The following OTUD7A variants were observed in gnomAD, a reference collection of about 807,000 sequenced individuals.
OTUD7A encodes the protein OTU deubiquitinase 7A, also known as OTU domain-containing protein 7A.
Under a neutral mutation model 65.7 loss-of-function variants are expected in OTUD7A, and 12 were observed. The observed-to-expected ratio is 0.18, with a 90% CI of 0.12 to 0.30. The LOEUF (loss-of-function observed/expected upper bound fraction) is 0.30. Among genes scored for constraint, OTUD7A ranks in the 10% least tolerant of loss-of-function variants. The probability of loss-of-function intolerance (pLI) is 1.00; values close to 1 mark genes in which losing one functional copy is unlikely to be tolerated. For synonymous variants in OTUD7A, 641 were observed against 586.3 expected (o/e 1.09, Z -1.35); for missense variants, 1,148 against 1,304.8 (o/e 0.88, Z 1.85).
rs184342133 is a variant in OTUD7A at position 31,623,179 on chromosome 15, G to A, written c.151+31917C>T. Among the ~76,000 whole-genome samples the A allele has an allele frequency of 1.9e-3, 288 of 152,286 alleles. 1 individual carries two copies. Among genetic ancestry groups the A allele is most frequent in the African/African-American group, 6.4e-3 (266 of 41,564 alleles). ...TGAGGTGTCAGTCTGCCCCTACTTC[G>A]GGGGTGCCTTCCAGTTAGGCTACTC... On this transcript the variant is annotated intron_variant, in intron 3 of 12. Transcript: ENST00000307050.
chr15:31,510,042 G>C (rs557392905), intron 8 of OTUD7A, among the ~76,000 whole-genome samples: 1 of 146,618 alleles, frequency 6.8e-6, no homozygotes, highest in African/African-American at 2.5e-5. Context: ...GGCAAGGGAC[G>C]GGCCCCGCCT....
At chr15:31,657,363 C>CA (rs1555405667) in intron 1 of OTUD7A, among the ~76,000 whole-genome samples, 2 of 146,712 alleles carry the variant, frequency 1.4e-5, no homozygotes, top group Non-Finnish European at 3.0e-5. Flanking sequence ...TTTCCTTTTT[C>CA]TTTTTTTTTT....
In OTUD7A at chr15:31,477,786, A is replaced by G. The variant is rs1429239620; in HGVS notation, c.*5508T>C. On this transcript the variant is annotated 3_prime_UTR_variant, in exon 13 of 13. Transcript: ENST00000307050. ...CCTGCCCACATGGAGCTTACAGTCT[A>G]TGGGAGATGGGGAGGCGAGAATCAA... 1 of 150,610 alleles carries G rather than the reference A, an allele frequency of 6.6e-6. No homozygotes were observed. The highest frequency in any genetic ancestry group is 1.5e-5 in the Non-Finnish European group (1 of 67,598). The allele number at this position is 150,610 out of a possible 1,614,324, so 9.3% of individuals were successfully genotyped here.
At position 31,611,468 on chromosome 15, in the gene OTUD7A, A is replaced by G. The variant is rs529814463; in HGVS notation, c.152-41271T>C. Among the ~76,000 whole-genome samples the G allele has an allele frequency of 2.6e-5, 4 of 152,334 alleles. No individual in the cohort carries two copies. The East Asian group carries it at 7.7e-4, about 29-fold the overall frequency. On this transcript the variant is annotated intron_variant, in intron 3 of 12. Transcript: ENST00000307050. ...TCCAAATAACCTCATTAAGAAATGA[A>G]ATGGGAGATATTACAACTGACACCA...
intron 1 of OTUD7A, among the ~76,000 whole-genome samples, chr15:31,814,136 A>G (rs766700230): frequency 2.6e-5 from 4 of 152,226 alleles, no homozygotes; most frequent in African/African-American, 9.6e-5. Context: ...TATGCACTAT[A>G]ATCAGCCAAG....
intron 1 of OTUD7A, among the ~76,000 whole-genome samples, chr15:31,682,462 G>A (rs757296894): frequency 1.3e-5 from 2 of 152,200 alleles, no homozygotes; most frequent in Admixed American, 6.5e-5. Flanking sequence ...TAGAGGACTC[G>A]CACACTTGAT....
intron 5 of OTUD7A, among the ~76,000 whole-genome samples, chr15:31,541,449 T>G (rs921654663): frequency 1.3e-5 from 2 of 152,170 alleles, no homozygotes; most frequent in African/African-American, 4.8e-5. Flanking sequence ...TAAGATCTTG[T>G]GTGAATGCGT....
Position 31,594,540 on chromosome 15 carries a change from C to A in OTUD7A, c.152-24343G>T, listed in dbSNP as rs958212895. Among the ~76,000 whole-genome samples, 6 of 152,176 alleles carry A rather than the reference C, an allele frequency of 3.9e-5. No individual in the cohort carries two copies. In the East Asian group the frequency reaches 1.2e-3, roughly 29 times the overall value. ...AAGCCACCAGGGTCCAGGCCTCACA[C>A]CCTGGCCAGGTCATCAAGCCCAGAG... On this transcript the variant is annotated intron_variant, in intron 3 of 12. Coordinates refer to ENST00000307050, the MANE Select transcript of OTUD7A (RefSeq NM_001382637.1).
chr15:31,767,963 C>T (rs546468274), intron 1 of OTUD7A: 63 of 1,560,774 alleles, frequency 4.0e-5, no homozygotes, highest in Admixed American at 3.2e-4. Context: ...TTCAATTATA[C>T]GATTCTTAAG....
chr15:31,858,371 C>T lies in OTUD7A; in HGVS notation c.-100+12136G>A, dbSNP rs115377747. On this transcript the variant is annotated intron_variant, in intron 1 of 12. Coordinates refer to ENST00000307050, the MANE Select transcript of OTUD7A (RefSeq NM_001382637.1). ...GCAGTGTGGCTAGCATGGAAGGCTT[C>T]GTTCAAAGATCCCTCTACAAAGGGG... is the stretch of plus-strand genomic sequence containing the variant. 7.0e-3 allele frequency among the ~76,000 whole-genome samples: 1,067 copies of T among 152,194 alleles called. 15 individuals are homozygous for T. The highest frequency in any genetic ancestry group is 0.025 in the African/African-American group (1,026 of 41,500).
At chr15:31,558,127 T>A (rs60460548) in intron 5 of OTUD7A, 2 of 152,130 alleles carry the variant, frequency 1.3e-5, no homozygotes, top group Non-Finnish European at 2.9e-5. Context: ...GGGAGGGGCG[T>A]GGTGGGCCTG....
chr15:31,575,681 G>C (rs2141178154), intron 3 of OTUD7A, among the ~76,000 whole-genome samples: 1 of 152,252 alleles, frequency 6.6e-6, no homozygotes, highest in East Asian at 1.9e-4. Context: ...AAAAAGCCAG[G>C]AGCATCTCCC....
chr15:31,631,379 T>C (rs1320374338), intron 3 of OTUD7A, among the ~76,000 whole-genome samples: 6 of 152,218 alleles, frequency 3.9e-5, no homozygotes, highest in Admixed American at 6.5e-5. Flanking sequence ...AAATTCTGGG[T>C]TGAAAATTCT....
intron 1 of OTUD7A, among the ~76,000 whole-genome samples, chr15:31,733,007 A>C (rs1894088661): frequency 6.6e-6 from 1 of 152,234 alleles, no homozygotes; most frequent in Admixed American, 6.5e-5. Flanking sequence ...ACAAAACATA[A>C]GAATTAAAAC....
rs2041211830 is a variant in OTUD7A, at chr15:31,484,804, CCT to C, written c.1372-82_1372-81del. The C allele has an allele frequency of 7.9e-6, 12 of 1,512,846 alleles. No homozygotes were observed. Among genetic ancestry groups the C allele is most frequent in the Non-Finnish European group, 9.7e-6 (11 of 1,133,528 alleles). The allele number at this position is 1,512,846 out of a possible 1,614,324, so 93.7% of individuals were successfully genotyped here. A position where few individuals can be genotyped will look rare whatever the true frequency, so the allele number is the denominator to read the frequency against. On this transcript the variant is annotated intron_variant, in intron 12 of 12. Transcript: ENST00000307050. The surrounding 1 kb of genome is among the most constrained non-coding windows in gnomAD (Gnocchi z 4.5). ...GCCAGCGAGGAAGACACACCTTGCCCCTGTGTTGCCGAGGCTAGGGCCCTGGA... is the reference window on the plus strand; with the variant it reads ...GCCAGCGAGGAAGACACACCTTGCCCGTGTTGCCGAGGCTAGGGCCCTGGA...
At chr15:31,812,303 A>T (rs1406432555) in intron 1 of OTUD7A, among the ~76,000 whole-genome samples, 1 of 152,232 alleles carries the variant, frequency 6.6e-6, no homozygotes, top group Admixed American at 6.5e-5. Flanking sequence ...ACAGACGTGC[A>T]GGAATCAGGC....
intron 1 of OTUD7A, among the ~76,000 whole-genome samples, chr15:31,870,277 G>A (rs1455919068): frequency 6.8e-6 from 1 of 147,828 alleles, no homozygotes; most frequent in Non-Finnish European, 1.5e-5. Flanking sequence ...GAGCCCGCGG[G>A]GTCCGGAGCG....
chr15:31,822,604 G>T lies in OTUD7A; in HGVS notation c.-100+47903C>A, dbSNP rs368908313. On this transcript the variant is annotated intron_variant, in intron 1 of 12. Transcript: ENST00000307050. ...AGAGAAGAAACATCACAAATAACCA[G>T]ACAAGCTTCTCTTCACTTGCAAAGA... Among the ~76,000 whole-genome samples the T allele has an allele frequency of 3.3e-5, 5 of 152,154 alleles. 1 individual carries two copies. The South Asian group carries it at 1.0e-3, about 31-fold the overall frequency.
intron 1 of OTUD7A, among the ~76,000 whole-genome samples, chr15:31,717,496 T>C (rs1893622752): frequency 6.6e-6 from 1 of 152,184 alleles, no homozygotes; most frequent in South Asian, 2.1e-4. Context: ...CGATATTTGG[T>C]TTTCTGTTCC....
Sources: gnomAD v4.1 joint callset for allele counts (sites outside exome capture counted in the v4.1 genomes callset) on GRCh38, gnomAD v4.1.1 for gene constraint, Gnocchi (gnomAD v3.1) non-coding constraint, MANE v1.5 for transcripts, NCBI Gene and HGNC (gene_info 2026-07-23, HGNC 2026-07-21) for gene names.